The following AP2A2 variants were observed in gnomAD, a reference collection of about 807,000 sequenced individuals.
AP2A2 encodes adaptor related protein complex 2 subunit alpha 2.
A neutral mutation model predicts 104.2 loss-of-function variants in AP2A2; 32 were observed. The ratio of observed to expected loss-of-function variants is 0.31; its 90% CI spans 0.23 to 0.41. The LOEUF is 0.41. Among genes scored for constraint, AP2A2 ranks in the 10% least tolerant of loss-of-function variants. The probability of loss-of-function intolerance (pLI) is 1.00; values close to 1 mark genes in which losing one functional copy is unlikely to be tolerated. For missense variants in AP2A2, 912 were observed against 1,261.0 expected (o/e 0.72, Z 4.19); for synonymous variants, 539 against 533.3 (o/e 1.01, Z -0.15).
intron 14 of AP2A2, among the ~76,000 whole-genome samples, chr11:996,431 C>T (rs549875331): frequency 5.3e-5 from 8 of 152,216 alleles, no homozygotes; most frequent in Non-Finnish European, 1.2e-4. Context: ...TGGAAAGGGG[C>T]TGTAGGATTG....
chr11:1,006,493 G>A, intron 16 of AP2A2, 35 bp from the exon 17 acceptor site: 1 of 1,423,906 alleles, frequency 7.0e-7, no homozygotes, highest in East Asian at 2.3e-5. Flanking sequence ...AGTGTGAAAT[G>A]GTGTGTGTGA....
At chr11:938,285 C>T (rs1853528759) in intron 1 of AP2A2, among the ~76,000 whole-genome samples, 1 of 152,184 alleles carries the variant, frequency 6.6e-6, no homozygotes, top group African/African-American at 2.4e-5. Context: ...CCCACCAAAC[C>T]CCTATACGAT....
chr11:947,316 C>G (rs550473641), intron 1 of AP2A2, among the ~76,000 whole-genome samples: 23 of 152,262 alleles, frequency 1.5e-4, no homozygotes, highest in Admixed American at 3.9e-4. Flanking sequence ...TGGCCCCTAT[C>G]TGCCTTAAAA....
chr11:963,395 CA>C (rs1854505849), intron 2 of AP2A2, among the ~76,000 whole-genome samples: 1 of 151,896 alleles, frequency 6.6e-6, no homozygotes, highest in South Asian at 2.1e-4. Context: ...CAGTGCACTA[CA>C]GCCTGGGCGA....
chr11:1,003,798 A>C lies in AP2A2; in HGVS notation c.2200A>C (p.Asn734His), dbSNP rs1470337040. The C allele has an allele frequency of 1.9e-6, 3 of 1,597,298 alleles. No homozygotes were observed. Among genetic ancestry groups the C allele is most frequent in the African/African-American group, 2.7e-5 (2 of 74,586 alleles). Residue 734 changes from asparagine (N) to histidine (H), a missense_variant, in exon 16 of 22, where the codon AAT (asparagine) becomes CAT (histidine). By Grantham distance (68) the Asn-to-His change is moderately conservative. Transcript: ENST00000448903. ...TGGACTTAAGTCTGAATTTCGGCAG[A>C]ATTTAGGTATGTGTTTTAATTACTT... is the stretch of plus-strand genomic sequence containing the variant. ...QIGLKSEFRQ[N>H]LGRMFIFYGN...
chr11:990,293 A>C (rs1239802594), intron 10 of AP2A2, among the ~76,000 whole-genome samples: 1 of 152,140 alleles, frequency 6.6e-6, no homozygotes, highest in Non-Finnish European at 1.5e-5. Context: ...GGTGTAGGGC[A>C]GGGCTGTCTG....
rs117333022 is a variant in AP2A2 at position 968,118 on chromosome 11, C to T, written c.137-2051C>T. ...TTGTTTCCTGTGGCCCTGGGTTAGG[C>T]CAGGAATCCACGTGCTGCCACATGA... is the stretch of plus-strand genomic sequence containing the variant. On this transcript the variant is annotated intron_variant, in intron 2 of 21. Coordinates refer to ENST00000448903, the MANE Select transcript of AP2A2 (RefSeq NM_012305.4). The surrounding 1 kb of genome is among the most constrained non-coding windows in gnomAD (Gnocchi z 4.2). Among the ~76,000 whole-genome samples the T allele has an allele frequency of 4.3e-3, 660 of 152,164 alleles. 35 individuals are homozygous for T. The East Asian group carries it at 0.11, about 25-fold the overall frequency.
At chr11:965,787 T>G (rs1318958853) in intron 2 of AP2A2, among the ~76,000 whole-genome samples, 1 of 152,220 alleles carries the variant, frequency 6.6e-6, no homozygotes, top group Non-Finnish European at 1.5e-5. Flanking sequence ...GCCTTCCATC[T>G]TTAAGCCTTT....
chr11:947,074 G>C (rs1436722043), intron 1 of AP2A2: 2 of 142,736 alleles, frequency 1.4e-5, no homozygotes, highest in Non-Finnish European at 3.0e-5. Context: ...CGGTGGCGCC[G>C]ATCTCGGCTC....
At chr11:995,185 G>A (rs554960984) in intron 14 of AP2A2, among the ~76,000 whole-genome samples, 4 of 152,346 alleles carry the variant, frequency 2.6e-5, no homozygotes, top group African/African-American at 7.2e-5. Context: ...CACCCAGGCA[G>A]CTGTCCTCAC....
chr11:953,643 G>A (rs550580991), intron 1 of AP2A2, among the ~76,000 whole-genome samples: 6 of 106,172 alleles, frequency 5.7e-5, no homozygotes, highest in Admixed American at 3.6e-4. Flanking sequence ...GTCTGCCTCC[G>A]TCTGCCTGCT....
At chr11:934,258 C>T (rs1397656268) in intron 1 of AP2A2, among the ~76,000 whole-genome samples, 2 of 152,122 alleles carry the variant, frequency 1.3e-5, no homozygotes. Flanking sequence ...CCTGATTCTA[C>T]TCTCCTTTGT....
chr11:989,539 G>A (rs1231477193), intron 10 of AP2A2, among the ~76,000 whole-genome samples: 1 of 152,146 alleles, frequency 6.6e-6, no homozygotes. Flanking sequence ...GGCTTTTTTG[G>A]GTGTCCCTCT....
chr11:993,417 T>C lies in AP2A2; in HGVS notation c.1550+36T>C. 1 of 1,518,342 alleles carries C rather than the reference T, an allele frequency of 6.6e-7. No homozygotes were observed. Among genetic ancestry groups the C allele is most frequent in the Non-Finnish European group, 8.9e-7 (1 of 1,128,172 alleles). 94.1% of individuals were successfully genotyped at this position (1,518,342 alleles called of 1,614,324 possible). On this transcript the variant is annotated intron_variant, in intron 12 of 21. Transcript: ENST00000448903. This position sits in a 1 kb window ranked among gnomAD's most constrained non-coding sequence, Gnocchi z 8.2. ...CTTTGCGAGTCGGGGCTGTGTGCGC[T>C]CCGGCGGGCCTCTCGGTGGTCGGTG...
intron 4 of AP2A2, among the ~76,000 whole-genome samples, chr11:974,153 C>T (rs938915112): frequency 5.9e-5 from 9 of 151,572 alleles, no homozygotes; most frequent in Non-Finnish European, 1.0e-4. Context: ...GCAGGTGGCC[C>T]GTGTTCTGGT....
chr11:961,989 G>A (rs1231451260), intron 2 of AP2A2, among the ~76,000 whole-genome samples: 4 of 151,656 alleles, frequency 2.6e-5, no homozygotes, highest in Non-Finnish European at 5.9e-5. Flanking sequence ...GCCACCACTA[G>A]TGAAAAGTAA....
intron 6 of AP2A2, among the ~76,000 whole-genome samples, chr11:984,272 G>A (rs1450192780): frequency 6.6e-6 from 1 of 152,148 alleles, no homozygotes; most frequent in African/African-American, 2.4e-5. Flanking sequence ...GTGGGGTTGT[G>A]GGGTAGGGTC....
Position 983,651 on chromosome 11 carries a change from G to A in AP2A2, c.706-994G>A, listed in dbSNP as rs183556517. On this transcript the variant is annotated intron_variant, in intron 6 of 21. Coordinates refer to ENST00000448903, the MANE Select transcript of AP2A2 (RefSeq NM_012305.4). ...GCCCGCCTTGGCCTCTCAAAGTGCTGGGATTACAGGCGGGAGCCACCGCAC... is the reference window on the plus strand; with the variant it reads ...GCCCGCCTTGGCCTCTCAAAGTGCTAGGATTACAGGCGGGAGCCACCGCAC... Among the ~76,000 whole-genome samples, 1,274 of 152,276 alleles carry A rather than the reference G, an allele frequency of 8.4e-3. 24 individuals are homozygous for A. Among genetic ancestry groups the A allele is most frequent in the African/African-American group, 0.03 (1,228 of 41,548 alleles).
chr11:1,006,769 TG>T, intron 17 of AP2A2, 152 bp downstream of exon 17: 1 of 630,766 alleles, frequency 1.6e-6, no homozygotes, highest in Non-Finnish European at 2.8e-6. Context: ...AATCTGCCTA[TG>T]GTGCTGGGCA....
Sources: gnomAD v4.1 joint callset for allele counts (sites outside exome capture counted in the v4.1 genomes callset) on GRCh38, gnomAD v4.1.1 for gene constraint, Gnocchi (gnomAD v3.1) non-coding constraint, MANE v1.5 for transcripts, NCBI Gene and HGNC (gene_info 2026-07-23, HGNC 2026-07-21) for gene names.